The following CDH1 variants were observed in gnomAD, a reference collection of about 807,000 sequenced individuals.
CDH1 encodes cadherin 1, also known as cadherin-1.
In CDH1, 35 loss-of-function variants were observed where a neutral mutation model predicts 84.5. The ratio of observed to expected loss-of-function variants is 0.41; its 90% confidence interval spans 0.32 to 0.55. CDH1 has a LOEUF of 0.55. CDH1 is among the 20% of genes least tolerant of loss of function. The pLI is 0.19. For synonymous variants in CDH1, 417 were observed against 439.0 expected, an observed-to-expected ratio of 0.95 and a Z score of 0.63; for missense variants, 994 against 1,126.6, an observed-to-expected ratio of 0.88 and a Z score of 1.68.
In CDH1 at chr16:68,815,642, C is replaced by T. The variant is rs1960964468; in HGVS notation, c.1448C>T (p.Ala483Val). 1 of 1,614,196 alleles carries T rather than the reference C, an allele frequency of 6.2e-7. No homozygotes were observed. The highest frequency in any genetic ancestry group is 8.5e-7 in the Non-Finnish European group (1 of 1,180,042). ...VTVDVLDVNE[A>V]PIFVPPEKRV... The stretch of plus-strand genomic sequence containing the variant: ...GTGGATGTGCTGGATGTGAATGAAG[C>T]CCCCATCTTTGTGCCTCCTGAAAAG... The change falls in exon 10 of 16, where the codon GCC becomes GTC. Residue 483 changes from alanine (A) to valine (V), a missense_variant. Ala to Val is a moderately conservative substitution (Grantham distance 64). This residue lies in a region of CDH1 where 769 missense variants were observed against 881.8 expected (regional missense o/e 0.87). Transcript: ENST00000261769.
At chr16:68,773,559 A>C (rs1467667412) in intron 2 of CDH1, among the ~76,000 whole-genome samples, 1 of 152,206 alleles carries the variant, frequency 6.6e-6, no homozygotes, top group East Asian at 1.9e-4. Flanking sequence ...CTGGCCTCCC[A>C]AAGTGCTGGG....
chr16:68,824,060 T>C (rs970982496), intron 13 of CDH1, among the ~76,000 whole-genome samples: 9 of 146,950 alleles, frequency 6.1e-5, no homozygotes, highest in Admixed American at 2.8e-4. Context: ...TGCAATGGTG[T>C]GATCTCAGCT....
chr16:68,778,745 A>G (rs1456488956), intron 2 of CDH1, among the ~76,000 whole-genome samples: 1 of 152,204 alleles, frequency 6.6e-6, no homozygotes, highest in Non-Finnish European at 1.5e-5. Context: ...GACTGGTCTG[A>G]ACTCCTGCCC....
rs139866691 is a variant in CDH1, at chr16:68,738,336, C to A, written c.88C>A (p.Pro30Thr). Reference sequence around the variant, plus strand: ...CTGCCAGGAGCCGGAGCCCTGCCACCCTGGCTTTGACGCCGAGAGCTACAC... The same window carrying A: ...CTGCCAGGAGCCGGAGCCCTGCCACACTGGCTTTGACGCCGAGAGCTACAC... The part of the protein sequence containing the change: ...WLCQEPEPCH[P>T]GFDAESYTFT... The change falls in exon 2 of 16, where the codon CCT becomes ACT. Residue 30 changes from proline (P) to threonine (T), a missense_variant. Pro to Thr is a conservative substitution (Grantham distance 38, BLOSUM62 -1). Around this residue, in one of 3 missense-constraint regions of CDH1, gnomAD observed 203 missense variants for 194.0 expected, o/e 1.05. Transcript: ENST00000261769. 2.1e-3 allele frequency: 3,158 copies of A among 1,531,846 alleles called. 3 individuals carry two copies. The highest frequency in any genetic ancestry group is 2.6e-3 in the Non-Finnish European group (2,927 of 1,137,734). The allele number at this position is 1,531,846 out of a possible 1,614,324, so 94.9% of individuals were successfully genotyped here.
At chr16:68,829,908 G>GGCAAGCTGAAAA in intron 15 of CDH1, 111 bp downstream of exon 15, 1 of 1,121,676 alleles carries the variant, frequency 8.9e-7, no homozygotes, top group Non-Finnish European at 1.3e-6. Context: ...TATGTTTTCA[G>GGCAAGCTGAAAA]CTTGCCTGAG....
intron 2 of CDH1, among the ~76,000 whole-genome samples, chr16:68,798,409 C>A (rs148438557): frequency 2.6e-5 from 4 of 152,068 alleles, no homozygotes; most frequent in South Asian, 2.1e-4. Context: ...AGCTGAAGAA[C>A]CTTTCAATCT....
chr16:68,804,271 G>A (rs753538306), intron 3 of CDH1, among the ~76,000 whole-genome samples: 29 of 151,784 alleles, frequency 1.9e-4, no homozygotes, highest in Middle Eastern at 3.4e-3. Context: ...CCGCCACCAC[G>A]CCTGGCTTAT....
chr16:68,800,618 A>G (rs1323065616), intron 2 of CDH1, among the ~76,000 whole-genome samples: 1 of 152,206 alleles, frequency 6.6e-6, no homozygotes, highest in East Asian at 1.9e-4. Flanking sequence ...ATTATTTGAA[A>G]GGGAGGAAAA....
intron 2 of CDH1, among the ~76,000 whole-genome samples, chr16:68,741,886 G>T (rs758791872): frequency 4.6e-5 from 7 of 152,120 alleles, no homozygotes; most frequent in Non-Finnish European, 8.8e-5. Context: ...GGTCAGGCTG[G>T]TCTCAAACTC....
At chr16:68,743,245 C>T (rs998084108) in intron 2 of CDH1, among the ~76,000 whole-genome samples, 2 of 152,116 alleles carry the variant, frequency 1.3e-5, no homozygotes, top group Non-Finnish European at 2.9e-5. Context: ...CTAAAATCCC[C>T]GAGAGGCACC....
At chr16:68,781,235 G>A (rs546603701) in intron 2 of CDH1, among the ~76,000 whole-genome samples, 1 of 152,274 alleles carries the variant, frequency 6.6e-6, no homozygotes, top group African/African-American at 2.4e-5. Flanking sequence ...GAGGGTGGGG[G>A]TATTGGAAAC....
intron 2 of CDH1, among the ~76,000 whole-genome samples, chr16:68,760,621 A>C (rs1963141990): frequency 6.6e-6 from 1 of 152,070 alleles, no homozygotes; most frequent in South Asian, 2.1e-4. Context: ...ACCACCACAC[A>C]CACCTTGAGG....
intron 2 of CDH1, among the ~76,000 whole-genome samples, chr16:68,799,228 C>T (rs562093697): frequency 4.9e-4 from 75 of 152,300 alleles, no homozygotes; most frequent in Non-Finnish European, 8.1e-4. Flanking sequence ...TCATTTATTA[C>T]GGCTCCCCCT....
intron 2 of CDH1, among the ~76,000 whole-genome samples, chr16:68,751,950 G>GT (rs1321570090): frequency 3.5e-4 from 40 of 115,410 alleles, no homozygotes; most frequent in African/African-American, 1.2e-3. Flanking sequence ...TTGTATTTTT[G>GT]TATTTTTTTT....
rs1165949896 is a variant in CDH1, at chr16:68,827,857, C to G, written c.2165-317C>G. Among the ~76,000 whole-genome samples, 3 of 152,322 alleles carry G rather than the reference C, an allele frequency of 2.0e-5. No homozygotes were observed. The East Asian group carries it at 5.8e-4, about 29-fold the overall frequency. ...AAACATGCTCCTCCTGCCTCAGGAC[C>G]TCTGTCCTTACTGTTTCCTCTGCCT... On this transcript the variant is annotated intron_variant, in intron 13 of 15. Coordinates refer to ENST00000261769, the MANE Select transcript of CDH1 (RefSeq NM_004360.5).
chr16:68,761,767 G>C (rs906850547), intron 2 of CDH1, among the ~76,000 whole-genome samples: 1 of 152,060 alleles, frequency 6.6e-6, no homozygotes, highest in Non-Finnish European at 1.5e-5. Context: ...TGTTCTAGAC[G>C]GAGGGGAGGG....
At position 68,811,686 on chromosome 16, in the gene CDH1, AC is replaced by A. The variant is rs1960834407; in HGVS notation, c.837del (p.Ser280LeufsTer2). ...TTCATCTCCTTGAACTCTTCCAGGA[AC>A]CTCTGTGATGGAGGTCACAGCCACA... ...GSVMEGALPG[T>X]SVMEVTATDA... On this transcript the variant is annotated frameshift_variant, in exon 7 of 16. Transcript: ENST00000261769. LOFTEE classifies it high-confidence loss of function. The A allele has an allele frequency of 6.2e-7, 1 of 1,613,784 alleles. No individual in the cohort carries two copies. Among genetic ancestry groups the A allele is most frequent in the Non-Finnish European group, 8.5e-7 (1 of 1,179,960 alleles).
At chr16:68,796,093 GT>G (rs1432702523) in intron 2 of CDH1, among the ~76,000 whole-genome samples, 5 of 151,996 alleles carry the variant, frequency 3.3e-5, no homozygotes, top group African/African-American at 1.2e-4. Flanking sequence ...AACCCGGGAG[GT>G]GGAGGTTGCA....
rs1468672932 is a variant in CDH1, at chr16:68,808,678, T to C, written c.532-15T>C. The C allele has an allele frequency of 1.2e-6, 2 of 1,614,080 alleles. No homozygotes were observed. The highest frequency in any genetic ancestry group is 1.7e-6 in the Non-Finnish European group (2 of 1,179,994). On this transcript the variant is annotated splice_polypyrimidine_tract_variant and intron_variant, in intron 4 of 15. Coordinates refer to ENST00000261769, the MANE Select transcript of CDH1 (RefSeq NM_004360.5). ...TCCTTCTTTACTAATTCTTTTTCTTTCATTTTGTCTTCAGATCAAATCCAA... is the reference window on the plus strand; with the variant it reads ...TCCTTCTTTACTAATTCTTTTTCTTCCATTTTGTCTTCAGATCAAATCCAA...
Sources: gnomAD v4.1 joint callset for allele counts (sites outside exome capture counted in the v4.1 genomes callset) on GRCh38, gnomAD v4.1.1 for gene constraint, gnomAD v4.1.1 regional missense constraint, MANE v1.5 for transcripts, NCBI Gene and HGNC (gene_info 2026-07-23, HGNC 2026-07-21) for gene names.